Variants in ZEB2 observed in about 807,000 individuals in gnomAD.
ZEB2 encodes the protein zinc finger E-box-binding homeobox 2.
A neutral mutation model predicts 99.9 loss-of-function variants in ZEB2; 6 were observed. The observed-to-expected ratio is 0.06, with a 90% CI of 0.03 to 0.12. The LOEUF (loss-of-function observed/expected upper bound fraction) is 0.12. Ranked by LOEUF, ZEB2 falls within the 10% of genes least tolerant of loss-of-function variation. The pLI is 1.00. For synonymous variants in ZEB2, 517 were observed against 542.5 expected, an observed-to-expected ratio of 0.95 and a Z score of 0.65; for missense variants, 969 against 1,502.8, an observed-to-expected ratio of 0.64 and a Z score of 5.87.
chr2:144,496,054 A>T (rs1309141177), intron 2 of ZEB2: 1 of 152,262 alleles, frequency 6.6e-6, no homozygotes, highest in African/African-American at 2.4e-5. Context: ...ACCTGAATAA[A>T]AGCACAACAA....
At chr2:144,393,486 C>A (rs532738455) in intron 9 of ZEB2, among the ~76,000 whole-genome samples, 1 of 152,336 alleles carries the variant, frequency 6.6e-6, no homozygotes, top group African/African-American at 2.4e-5. Flanking sequence ...ACCTTAGAAT[C>A]AGTCAGTCCC....
In ZEB2 at chr2:144,489,257, T is replaced by C. The variant is rs141940830; in HGVS notation, c.73+28021A>G. 5.9e-5 allele frequency among the ~76,000 whole-genome samples: 9 copies of C among 152,358 alleles called. No homozygotes were observed. The East Asian group carries it at 1.7e-3, about 29-fold the overall frequency. The stretch of plus-strand genomic sequence containing the variant: ...TTGAAGTCTTAAAGTAATAATATCT[T>C]TTTAAATACAGTGGGCACACAATCC... On this transcript the variant is annotated intron_variant, in intron 2 of 9. Coordinates refer to ENST00000627532, the MANE Select transcript of ZEB2 (RefSeq NM_014795.4).
chr2:144,412,604 C>T (rs1703480848), intron 4 of ZEB2, among the ~76,000 whole-genome samples: 2 of 152,226 alleles, frequency 1.3e-5, no homozygotes, highest in Admixed American at 6.5e-5. Context: ...ACAAGTCTTT[C>T]ACGAAATTCT....
intron 4 of ZEB2, among the ~76,000 whole-genome samples, chr2:144,421,671 T>C (rs1425685015): frequency 4.6e-5 from 7 of 151,790 alleles, no homozygotes; most frequent in Non-Finnish European, 7.4e-5. Context: ...TTTTTTTTTT[T>C]CAAAAGAAAA....
At chr2:144,422,397 T>C (rs1292028587) in intron 4 of ZEB2, among the ~76,000 whole-genome samples, 1 of 152,224 alleles carries the variant, frequency 6.6e-6, no homozygotes, top group Non-Finnish European at 1.5e-5. Flanking sequence ...TAGAAAGCCC[T>C]TCCTCACTCC....
chr2:144,430,369 T>C (rs1272157745), intron 2 of ZEB2, among the ~76,000 whole-genome samples: 4 of 152,134 alleles, frequency 2.6e-5, no homozygotes, highest in Non-Finnish European at 5.9e-5. Flanking sequence ...AAAATAGATC[T>C]ACAATAGACA....
intron 2 of ZEB2, among the ~76,000 whole-genome samples, chr2:144,449,288 G>A (rs1025511530): frequency 5.3e-5 from 8 of 152,160 alleles, no homozygotes; most frequent in East Asian, 1.9e-4. Flanking sequence ...AAGACAGGGG[G>A]AGCTATTCAG....
intron 4 of ZEB2, among the ~76,000 whole-genome samples, chr2:144,418,125 T>C (rs1378169568): frequency 6.6e-6 from 1 of 152,192 alleles, no homozygotes; most frequent in Non-Finnish European, 1.5e-5. Context: ...TACATAAAAA[T>C]GAAATCAGAT....
chr2:144,404,099 G>A lies in ZEB2; in HGVS notation c.624C>T (p.Ala208=), dbSNP rs1451197588. ...CGCAGTAGGGGCAGGTCAGCAGTTG[G>A]GCAAAAGCATCTGGAGTTCCAGGTG... The part of the protein sequence containing the change: ...DLPPGTPDAF[A]QLLTCPYCDR... Residue 208 remains alanine (A), a synonymous_variant, in exon 6 of 10, where the codon GCC becomes GCT. Transcript: ENST00000627532. 6.2e-7 allele frequency: 1 copy of A among 1,614,088 alleles called. No homozygotes were observed. Among genetic ancestry groups the A allele is most frequent in the Admixed American group, 1.7e-5 (1 of 60,014 alleles).
At chr2:144,468,937 T>TA (rs891391244) in intron 2 of ZEB2, among the ~76,000 whole-genome samples, 2 of 152,114 alleles carry the variant, frequency 1.3e-5, no homozygotes, top group African/African-American at 4.8e-5. Context: ...ATCGAGGACT[T>TA]ACCTTGATCA....
intron 2 of ZEB2, among the ~76,000 whole-genome samples, chr2:144,489,756 C>T (rs182380524): frequency 1.3e-5 from 2 of 152,228 alleles, no homozygotes; most frequent in East Asian, 1.9e-4. Context: ...AGGGCACGTT[C>T]GTTTACATAG....
At chr2:144,484,491 G>A (rs1237731177) in intron 2 of ZEB2, among the ~76,000 whole-genome samples, 1 of 152,142 alleles carries the variant, frequency 6.6e-6, no homozygotes, top group Non-Finnish European at 1.5e-5. Flanking sequence ...TCACAGATCG[G>A]TCAGCCCACT....
At chr2:144,465,885 C>T (rs1029118507) in intron 2 of ZEB2, among the ~76,000 whole-genome samples, 1 of 152,192 alleles carries the variant, frequency 6.6e-6, no homozygotes, top group Non-Finnish European at 1.5e-5. Context: ...TGACCTAAGA[C>T]AGGCCTAGAG....
chr2:144,514,695 C>T (rs182813101), intron 2 of ZEB2, among the ~76,000 whole-genome samples: 2 of 152,348 alleles, frequency 1.3e-5, no homozygotes, highest in Admixed American at 1.3e-4. Flanking sequence ...CAGTGAAAAA[C>T]ACTTACAATA....
chr2:144,416,314 C>A (rs1404575320), intron 4 of ZEB2, among the ~76,000 whole-genome samples: 2 of 152,160 alleles, frequency 1.3e-5, no homozygotes, highest in Non-Finnish European at 2.9e-5. Flanking sequence ...GAACTACGAT[C>A]CAGTCCAATT....
At chr2:144,499,361 T>C (rs35355807) in intron 2 of ZEB2, among the ~76,000 whole-genome samples, 8,940 of 152,258 alleles carry the variant, frequency 0.059, 386 homozygotes, top group Non-Finnish European at 0.091. Flanking sequence ...GGTTTAATAG[T>C]AAAAATACAG....
At chr2:144,416,144 C>G (rs919944680) in intron 4 of ZEB2, among the ~76,000 whole-genome samples, 3 of 152,220 alleles carry the variant, frequency 2.0e-5, no homozygotes, top group Admixed American at 2.0e-4. Context: ...CATCCAGTTT[C>G]TCATTCCCTT....
chr2:144,426,122 AATC>A (rs980168646), intron 3 of ZEB2, among the ~76,000 whole-genome samples: 2 of 152,216 alleles, frequency 1.3e-5, no homozygotes, highest in African/African-American at 2.4e-5. Context: ...TCCTCATAAT[AATC>A]AGATAATTTG....
At chr2:144,452,320 GAAGT>G (rs1460142959) in intron 2 of ZEB2, among the ~76,000 whole-genome samples, 2 of 152,070 alleles carry the variant, frequency 1.3e-5, no homozygotes, top group Non-Finnish European at 2.9e-5. Flanking sequence ...ATACGCGGCT[GAAGT>G]AAGGGGGGAA....
Sources: gnomAD v4.1 joint callset for allele counts (sites outside exome capture counted in the v4.1 genomes callset) on GRCh38, gnomAD v4.1.1 for gene constraint, MANE v1.5 for transcripts, NCBI Gene and HGNC (gene_info 2026-07-23, HGNC 2026-07-21) for gene names.